The following PRELID2 variants were observed in gnomAD, a reference collection of about 807,000 sequenced individuals.
PRELID2 encodes PRELI domain containing 2, also known as PRELI domain-containing protein 2.
A neutral mutation model predicts 28.4 loss-of-function variants in PRELID2; 25 were observed. That is an observed-to-expected ratio of 0.88 (90% CI 0.64 to 1.23). The LOEUF is 1.23. Ranked by LOEUF, PRELID2 falls within the 50% of genes most tolerant of loss-of-function variation. The pLI, the probability that PRELID2 is intolerant of heterozygous loss-of-function variation, is 0.00. For missense variants in PRELID2, 201 were observed against 214.4 expected (o/e 0.94, Z 0.39); for synonymous variants, 76 against 71.6 (o/e 1.06, Z -0.31).
At chr5:145,495,259 G>A (rs1341389237) in intron 1 of PRELID2, among the ~76,000 whole-genome samples, 2 of 152,144 alleles carry the variant, frequency 1.3e-5, no homozygotes, top group African/African-American at 4.8e-5. Context: ...GCCTCTTCCG[G>A]CAGGCTGGAC....
chr5:145,414,833 G>A, the PRELID2 span, among the ~76,000 whole-genome samples: 1 of 152,152 alleles, frequency 6.6e-6, no homozygotes, highest in Admixed American at 6.5e-5. Flanking sequence ...AATGGCATAG[G>A]CAGAATGATT....
At chr5:145,673,144 C>T (rs903571969) in intron 1 of PRELID2, among the ~76,000 whole-genome samples, 2 of 152,124 alleles carry the variant, frequency 1.3e-5, no homozygotes, top group South Asian at 2.1e-4. Context: ...TTAGAAAAGA[C>T]GTATATTCAA....
At chr5:145,279,007 G>A in the PRELID2 span, among the ~76,000 whole-genome samples, 1 of 152,130 alleles carries the variant, frequency 6.6e-6, no homozygotes, top group Non-Finnish European at 1.5e-5. Flanking sequence ...AGGCAGTGCA[G>A]AGTAACAGGA....
At chr5:145,341,725 A>G in the PRELID2 span, among the ~76,000 whole-genome samples, 1 of 152,180 alleles carries the variant, frequency 6.6e-6, no homozygotes, top group Non-Finnish European at 1.5e-5. Context: ...AGAAAAAAAA[A>G]AAAGGATGAG....
At chr5:145,771,168 A>G (rs1458705659) in intron 5 of PRELID2, among the ~76,000 whole-genome samples, 5 of 151,882 alleles carry the variant, frequency 3.3e-5, no homozygotes, top group Admixed American at 6.6e-5. Flanking sequence ...TGTTTCCTAT[A>G]TTTAGCTATG....
At chr5:145,280,808 A>G in the PRELID2 span, among the ~76,000 whole-genome samples, 376 of 151,818 alleles carry the variant, frequency 2.5e-3, 1 homozygote, top group African/African-American at 8.8e-3. Context: ...TTCATGAAAA[A>G]AAAAAAAAAC....
chr5:145,736,019 C>A (rs1471841164), intron 1 of PRELID2, among the ~76,000 whole-genome samples: 2 of 152,178 alleles, frequency 1.3e-5, no homozygotes, highest in African/African-American at 4.8e-5. Flanking sequence ...CAGGACCTCT[C>A]ATCACTGCCT....
At chr5:145,752,907 G>A (rs533689951), downstream of PRELID2, among the ~76,000 whole-genome samples, 23 of 152,280 alleles carry the variant, frequency 1.5e-4, no homozygotes, top group African/African-American at 2.4e-4. Context: ...AATGAAAGAA[G>A]GGGCTTCAGC....
chr5:145,576,249 C>T (rs1753059362), intron 1 of PRELID2, among the ~76,000 whole-genome samples: 1 of 151,950 alleles, frequency 6.6e-6, no homozygotes. Flanking sequence ...AAAAAGAAAC[C>T]CCATATTAGC....
chr5:145,731,634 C>T (rs1293595348), intron 1 of PRELID2, among the ~76,000 whole-genome samples: 1 of 152,220 alleles, frequency 6.6e-6, no homozygotes, highest in Non-Finnish European at 1.5e-5. Flanking sequence ...CCTTCTACCC[C>T]TCACTACTTT....
the PRELID2 span, among the ~76,000 whole-genome samples, chr5:145,417,986 A>G: frequency 2.6e-5 from 4 of 152,242 alleles, no homozygotes; most frequent in East Asian, 7.7e-4. Flanking sequence ...TTCTATATTT[A>G]GAAAACTCCA....
the PRELID2 span, among the ~76,000 whole-genome samples, chr5:145,443,264 G>C: frequency 6.6e-6 from 1 of 152,002 alleles, no homozygotes; most frequent in Non-Finnish European, 1.5e-5. Context: ...CATAGCAATA[G>C]TTTCAGGGGG....
chr5:145,717,081 TA>T (rs1374421439), intron 1 of PRELID2, among the ~76,000 whole-genome samples: 1 of 152,124 alleles, frequency 6.6e-6, no homozygotes. Context: ...GAAAAAATAT[TA>T]AGTGAAAAGA....
intron 1 of PRELID2, among the ~76,000 whole-genome samples, chr5:145,612,639 G>C (rs1458334713): frequency 6.6e-6 from 1 of 151,914 alleles, no homozygotes; most frequent in African/African-American, 2.4e-5. Context: ...AGCCCCCAAA[G>C]TCCATTGCAT....
At chr5:145,723,769 G>A (rs1756056077) in intron 1 of PRELID2, among the ~76,000 whole-genome samples, 1 of 152,122 alleles carries the variant, frequency 6.6e-6, no homozygotes, top group Non-Finnish European at 1.5e-5. Context: ...CAACTCTTAC[G>A]TTGGGGGAAT....
chr5:145,788,315 A>C (rs776697776), intron 5 of PRELID2, among the ~76,000 whole-genome samples: 20 of 152,232 alleles, frequency 1.3e-4, no homozygotes, highest in Non-Finnish European at 2.2e-4. Context: ...ATGACTTGAG[A>C]TAAGCAAATA....
chr5:145,772,795 G>C (rs1426169485), intron 5 of PRELID2, among the ~76,000 whole-genome samples: 1 of 152,140 alleles, frequency 6.6e-6, no homozygotes, highest in East Asian at 1.9e-4. Flanking sequence ...TGTATTCAAA[G>C]AGCCTAATAA....
At chr5:145,652,375 A>C (rs531665582) in intron 1 of PRELID2, among the ~76,000 whole-genome samples, 51 of 152,336 alleles carry the variant, frequency 3.3e-4, no homozygotes, top group South Asian at 1.7e-3. Flanking sequence ...GCAGGCCAAC[A>C]TTCAAATTCA....
the PRELID2 span, among the ~76,000 whole-genome samples, chr5:145,302,621 T>C: frequency 6.6e-6 from 1 of 152,110 alleles, no homozygotes; most frequent in South Asian, 2.1e-4. Context: ...TGTGTTATGC[T>C]CATTCACATT....
Sources: allele counts gnomAD v4.1 joint callset (sites outside exome capture counted in the v4.1 genomes callset), GRCh38; gene constraint gnomAD v4.1.1; transcripts MANE v1.5; gene names NCBI Gene and HGNC (gene_info 2026-07-23, HGNC 2026-07-21).